Variants in RORA observed in about 807,000 individuals in gnomAD.
RORA encodes the protein nuclear receptor ROR-alpha.
A neutral mutation model predicts 69.5 loss-of-function variants in RORA; 7 were observed. The observed-to-expected ratio is 0.10, with a 90% CI of 0.06 to 0.19. The LOEUF (loss-of-function observed/expected upper bound fraction) is 0.19, where lower values mean the gene tolerates loss of function less well. RORA is among the 10% of genes least tolerant of loss of function. RORA has a pLI of 1.00. For missense variants in RORA, 457 were observed against 663.0 expected (o/e 0.69, Z 3.41); for synonymous variants, 261 against 240.8 (o/e 1.08, Z -0.78).
chr15:60,557,302 T>TA (rs1340336805), intron 2 of RORA, among the ~76,000 whole-genome samples: 1 of 152,190 alleles, frequency 6.6e-6, no homozygotes, highest in Non-Finnish European at 1.5e-5. Context: ...TCACAACTGT[T>TA]ATGGTTATCG....
intron 1 of RORA, among the ~76,000 whole-genome samples, chr15:60,931,291 AAG>A (rs944548346): frequency 6.6e-6 from 1 of 152,166 alleles, no homozygotes; most frequent in African/African-American, 2.4e-5. Flanking sequence ...CCCAGAAGTG[AAG>A]GGCAGCCTAC....
chr15:61,131,680 T>C lies in RORA; in HGVS notation c.166+97373A>G, dbSNP rs1379628356. 1.3e-5 allele frequency among the ~76,000 whole-genome samples: 2 copies of C among 152,172 alleles called. No homozygotes were observed. Among genetic ancestry groups the C allele is most frequent in the Non-Finnish European group, 1.5e-5 (1 of 68,026 alleles). On this transcript the variant is annotated intron_variant, in intron 1 of 10. Transcript: ENST00000335670. This position sits in a 1 kb window ranked among gnomAD's most constrained non-coding sequence, Gnocchi z 4.2. ...ATGTATTCACTCATTTAATATGAAATGAAAGGCAATGTGCCAACATCGGAG... is the reference window on the plus strand; with the variant it reads ...ATGTATTCACTCATTTAATATGAAACGAAAGGCAATGTGCCAACATCGGAG...
chr15:60,978,072 C>T (rs1893927733), intron 1 of RORA, among the ~76,000 whole-genome samples: 1 of 152,126 alleles, frequency 6.6e-6, no homozygotes, highest in Admixed American at 6.5e-5. Context: ...TATACATTCC[C>T]ACAAACAATG....
chr15:61,128,802 C>G lies in RORA; in HGVS notation c.166+100251G>C, dbSNP rs149696046. Among the ~76,000 whole-genome samples the G allele has an allele frequency of 1.6e-3, 246 of 152,182 alleles. 2 individuals carry two copies. Among genetic ancestry groups the G allele is most frequent in the African/African-American group, 5.8e-3 (239 of 41,520 alleles). On this transcript the variant is annotated intron_variant, in intron 1 of 10. Coordinates refer to ENST00000335670, the MANE Select transcript of RORA (RefSeq NM_134261.3). This position sits in a 1 kb window ranked among gnomAD's most constrained non-coding sequence, Gnocchi z 4.5. ...CAAATATTGGCAATGCATCCTGAGACAAGAGTCAAGTGCTAAGCAAAGTCA... is the reference window on the plus strand; with the variant it reads ...CAAATATTGGCAATGCATCCTGAGAGAAGAGTCAAGTGCTAAGCAAAGTCA...
At chr15:61,126,387 T>A (rs2037661981) in intron 1 of RORA, among the ~76,000 whole-genome samples, 1 of 152,252 alleles carries the variant, frequency 6.6e-6, no homozygotes, top group Non-Finnish European at 1.5e-5. Flanking sequence ...TAAAATCTAC[T>A]GTCTTAGCAA....
intron 1 of RORA, among the ~76,000 whole-genome samples, chr15:60,957,390 A>C (rs769430203): frequency 6.6e-6 from 1 of 152,214 alleles, no homozygotes; most frequent in Non-Finnish European, 1.5e-5. Flanking sequence ...ATCCTTCAGC[A>C]TGGAAGAACT....
rs533713350 is a variant in RORA, at chr15:60,805,069, T to C, written c.167-126383A>G. On this transcript the variant is annotated intron_variant, in intron 1 of 10. Transcript: ENST00000335670. ...AGGCGTGAAAATTGTGAGAATCCCA[T>C]GGATCCAGGGTGATGAATCACTGCT... is the stretch of plus-strand genomic sequence containing the variant. 5.3e-5 allele frequency among the ~76,000 whole-genome samples: 8 copies of C among 152,296 alleles called. No homozygotes were observed. The South Asian group carries it at 1.7e-3, about 32-fold the overall frequency.
At chr15:60,897,851 G>C (rs1473337088) in intron 1 of RORA, among the ~76,000 whole-genome samples, 2 of 152,182 alleles carry the variant, frequency 1.3e-5, no homozygotes, top group Non-Finnish European at 1.5e-5. Flanking sequence ...CCAAAGTGAT[G>C]GAATAGGACA....
At chr15:61,027,110 C>T (rs998413786) in intron 1 of RORA, among the ~76,000 whole-genome samples, 19 of 152,074 alleles carry the variant, frequency 1.2e-4, no homozygotes, top group African/African-American at 4.1e-4. Context: ...TTGTTTATGT[C>T]TCTTCTAATG....
At chr15:60,893,990 C>T (rs545987778) in intron 1 of RORA, among the ~76,000 whole-genome samples, 18 of 152,320 alleles carry the variant, frequency 1.2e-4, no homozygotes, top group Admixed American at 1.1e-3. Context: ...CAGCTGCCAC[C>T]TCGGCCGAGC....
At chr15:61,168,895 C>T (rs1186585057) in intron 1 of RORA, among the ~76,000 whole-genome samples, 1 of 152,180 alleles carries the variant, frequency 6.6e-6, no homozygotes, top group African/African-American at 2.4e-5. Context: ...AATGAGATCA[C>T]TCATCTGATC....
At chr15:61,155,466 G>T (rs553854871) in intron 1 of RORA, among the ~76,000 whole-genome samples, 1 of 152,200 alleles carries the variant, frequency 6.6e-6, no homozygotes, top group African/African-American at 2.4e-5. Flanking sequence ...TTTTGAGAAG[G>T]AAAAAACAGT....
chr15:60,529,567 C>A (rs990788547), intron 3 of RORA: 1 of 152,156 alleles, frequency 6.6e-6, no homozygotes, highest in Admixed American at 6.5e-5. Flanking sequence ...AACAGAGCCA[C>A]AGATAACTGA....
In RORA at chr15:60,724,980, G is replaced by T. The variant is rs918226367; in HGVS notation, c.167-46294C>A. ...TTTGGTGAGTTCTACCTGTCTAGGT[G>T]ACGCTTCTAAAATTAAACAACTATT... is the stretch of plus-strand genomic sequence containing the variant. On this transcript the variant is annotated intron_variant, in intron 1 of 10. Transcript: ENST00000335670. Among the ~76,000 whole-genome samples, 7 of 152,172 alleles carry T rather than the reference G, an allele frequency of 4.6e-5. No homozygotes were observed. In the East Asian group the frequency reaches 1.3e-3, roughly 29 times the overall value.
intron 1 of RORA, among the ~76,000 whole-genome samples, chr15:61,097,775 TA>T (rs1438009740): frequency 1.6e-5 from 2 of 127,276 alleles, no homozygotes; most frequent in African/African-American, 3.6e-5. Context: ...TAACTAGTGT[TA>T]ATTAAGTCTG....
At chr15:60,942,791 T>A (rs1407690444) in intron 1 of RORA, among the ~76,000 whole-genome samples, 1 of 152,142 alleles carries the variant, frequency 6.6e-6, no homozygotes, top group East Asian at 1.9e-4. Context: ...TACCCTGGGA[T>A]GGAGGTGGGG....
rs1223500540 is a variant in RORA at position 61,177,855 on chromosome 15, G to A, written c.166+51198C>T. Among the ~76,000 whole-genome samples, 24 of 151,746 alleles carry A rather than the reference G, an allele frequency of 1.6e-4. 1 individual carries two copies. Among genetic ancestry groups the A allele is most frequent in the Admixed American group, 4.6e-4 (7 of 15,232 alleles). ...CATGTGCCTGTAATCTCAGCTGCTCGGGAGGCTGAGCCAGGAGAATCCCTT... is the reference window on the plus strand; with the variant it reads ...CATGTGCCTGTAATCTCAGCTGCTCAGGAGGCTGAGCCAGGAGAATCCCTT... On this transcript the variant is annotated intron_variant, in intron 1 of 10. Coordinates refer to ENST00000335670, the MANE Select transcript of RORA (RefSeq NM_134261.3).
intron 1 of RORA, among the ~76,000 whole-genome samples, chr15:60,754,007 G>A (rs928830181): frequency 6.6e-6 from 1 of 152,334 alleles, no homozygotes; most frequent in South Asian, 2.1e-4. Context: ...ACACTGGTCC[G>A]TGGCTACTCA....
At chr15:61,137,491 G>A (rs2079256933) in intron 1 of RORA, among the ~76,000 whole-genome samples, 1 of 152,142 alleles carries the variant, frequency 6.6e-6, no homozygotes, top group Non-Finnish European at 1.5e-5. Context: ...TTTGTAAAAT[G>A]CCCTCTTTCC....
Sources: allele counts gnomAD v4.1 joint callset (sites outside exome capture counted in the v4.1 genomes callset), GRCh38; gene constraint gnomAD v4.1.1; non-coding constraint Gnocchi (gnomAD v3.1); transcripts MANE v1.5; gene names NCBI Gene and HGNC (gene_info 2026-07-23, HGNC 2026-07-21).